CEP70: variants seen among roughly 807,000 people sequenced by gnomAD.
CEP70 encodes centrosomal protein 70.
In CEP70, 70 loss-of-function variants were observed where a neutral mutation model predicts 90.9. The observed-to-expected ratio is 0.77, with a 90% confidence interval of 0.64 to 0.94. The LOEUF is 0.94. Among genes scored for constraint, CEP70 ranks in the 40% least tolerant of loss-of-function variants. The pLI is 0.00. For synonymous variants in CEP70, 220 were observed against 228.3 expected (o/e 0.96, Z 0.33); for missense variants, 648 against 669.0 (o/e 0.97, Z 0.35).
At chr3:138,593,128 C>G (rs2042466216) in intron 1 of CEP70, 1 of 152,174 alleles carries the variant, frequency 6.6e-6, no homozygotes, top group South Asian at 2.1e-4. Flanking sequence ...AAAGGCGGGG[C>G]AGGGGAGGCC....
At chr3:138,518,980 T>G (rs963034401) in intron 11 of CEP70, among the ~76,000 whole-genome samples, 4 of 151,082 alleles carry the variant, frequency 2.6e-5, no homozygotes, top group Admixed American at 2.6e-4. Context: ...TGCAGAGAAG[T>G]CCTTAAAGGA....
At chr3:138,582,428 C>A (rs1011755806) in intron 2 of CEP70, among the ~76,000 whole-genome samples, 1 of 150,296 alleles carries the variant, frequency 6.7e-6, no homozygotes, top group Non-Finnish European at 1.5e-5. Context: ...GCCAAGATAG[C>A]GCCACTGAAC....
intron 8 of CEP70, among the ~76,000 whole-genome samples, chr3:138,531,067 C>A (rs188625224): frequency 6.6e-6 from 1 of 152,180 alleles, no homozygotes; most frequent in Admixed American, 6.5e-5. Flanking sequence ...AATATCTGAC[C>A]CAAGGATAAT....
chr3:138,548,763 A>C (rs2039404802), intron 6 of CEP70, among the ~76,000 whole-genome samples: 1 of 152,192 alleles, frequency 6.6e-6, no homozygotes, highest in African/African-American at 2.4e-5. Flanking sequence ...TCACATCATG[A>C]ACTTTTGCTC....
chr3:138,551,882 T>C (rs1013674745), intron 6 of CEP70, among the ~76,000 whole-genome samples: 4 of 152,042 alleles, frequency 2.6e-5, no homozygotes, highest in Non-Finnish European at 5.9e-5. Flanking sequence ...AGATATAGAA[T>C]TGCACAATGG....
intron 6 of CEP70, among the ~76,000 whole-genome samples, chr3:138,550,317 C>T (rs922480108): frequency 1.3e-5 from 2 of 152,176 alleles, no homozygotes; most frequent in Non-Finnish European, 2.9e-5. Context: ...AAAAATGATA[C>T]AAGAAATGAG....
intron 11 of CEP70, among the ~76,000 whole-genome samples, chr3:138,524,523 G>C (rs2037010220): frequency 6.6e-6 from 1 of 151,752 alleles, no homozygotes. Context: ...TCTGACAAAG[G>C]GCTAATATCC....
chr3:138,515,467 C>CAA (rs145902706), intron 11 of CEP70, among the ~76,000 whole-genome samples: 2,976 of 65,244 alleles, frequency 0.046, 171 homozygotes, highest in African/African-American at 0.095. Context: ...CATAGAAATG[C>CAA]AAAAAAAAAA....
chr3:138,529,414 T>A lies in CEP70; in HGVS notation c.741A>T (p.Arg247Ser), dbSNP rs151252525. The change falls in exon 9 of 18, where the codon AGA (arginine) becomes AGT (serine). Residue 247 changes from arginine (R) to serine (S), a missense_variant. Arg to Ser is a moderately radical substitution (Grantham distance 110, BLOSUM62 -1). Coordinates refer to ENST00000264982, the MANE Select transcript of CEP70 (RefSeq NM_024491.4). Reference protein sequence around the residue: ...ESQSEEENDYRNLDASPTYKG... With the variant: ...ESQSEEENDYSNLDASPTYKG... ...TATAAGTTGGTGAGGCATCCAGATTTCTGTAGTCGTTTTCTTCTTCTGACT... is the reference window on the plus strand; with the variant it reads ...TATAAGTTGGTGAGGCATCCAGATTACTGTAGTCGTTTTCTTCTTCTGACT... The A allele has an allele frequency of 1.3e-4, 204 of 1,612,364 alleles. No homozygotes were observed. Among genetic ancestry groups the A allele is most frequent in the Non-Finnish European group, 1.6e-4 (187 of 1,179,132 alleles).
At chr3:138,563,589 G>C (rs1350584837) in intron 6 of CEP70, among the ~76,000 whole-genome samples, 1 of 152,174 alleles carries the variant, frequency 6.6e-6, no homozygotes, top group Non-Finnish European at 1.5e-5. Context: ...ACCTGCCTTT[G>C]AATGACTACT....
At chr3:138,506,288 G>A (rs1198478302) in intron 12 of CEP70, among the ~76,000 whole-genome samples, 1 of 152,094 alleles carries the variant, frequency 6.6e-6, no homozygotes, top group South Asian at 2.1e-4. Context: ...ATTCAAGGCT[G>A]CAGTGAGCTA....
Position 138,505,455 on chromosome 3 carries a change from C to T in CEP70, c.1061G>A (p.Ser354Asn). ...IDQRYFQVLC[S>N]INSIIHNPRA... ...TGGATTGTGGATAATTGAATTGATG[C>T]TACACAGCACCTTTAAAAAAACATA... is the stretch of plus-strand genomic sequence containing the variant. Residue 354 changes from serine (S) to asparagine (N), a missense_variant, in exon 13 of 18, where the codon AGC becomes AAC. Ser to Asn is a conservative substitution (Grantham distance 46). Transcript: ENST00000264982. 1 of 1,582,426 alleles carries T rather than the reference C, an allele frequency of 6.3e-7. No individual in the cohort carries two copies. Among genetic ancestry groups the T allele is most frequent in the Non-Finnish European group, 8.6e-7 (1 of 1,168,186 alleles).
intron 11 of CEP70, among the ~76,000 whole-genome samples, chr3:138,518,390 T>A (rs2036266382): frequency 6.6e-6 from 1 of 152,196 alleles, no homozygotes. Flanking sequence ...CCTCCTCAAG[T>A]GGGTCCCTGA....
In CEP70 at chr3:138,495,069, A is replaced by G; in HGVS notation, c.1740T>C (p.Asp580=). ...TNDLLEILEI[D]DLDAIVPAVK... is the part of the protein sequence containing the mutation. Reference sequence around the variant, plus strand: ...CTGCAGGTACAATGGCATCCAAGTCATCAATTTCTGTAATACAAAAACAGT... The same window carrying G: ...CTGCAGGTACAATGGCATCCAAGTCGTCAATTTCTGTAATACAAAAACAGT... Residue 580 remains aspartate, a synonymous_variant, in exon 18 of 18, where the codon GAT becomes GAC. Transcript: ENST00000264982. 6.4e-7 allele frequency: 1 copy of G among 1,552,224 alleles called. No individual in the cohort carries two copies. The highest frequency in any genetic ancestry group is 8.9e-7 in the Non-Finnish European group (1 of 1,126,484).
At chr3:138,560,583 G>T (rs2040336110) in intron 6 of CEP70, among the ~76,000 whole-genome samples, 1 of 151,984 alleles carries the variant, frequency 6.6e-6, no homozygotes. Flanking sequence ...GGGTAGGCAG[G>T]TCCCACCCCC....
chr3:138,525,582 T>C lies in CEP70; in HGVS notation c.870-18A>G, dbSNP rs774005804. On this transcript the variant is annotated intron_variant, in intron 10 of 17. Transcript: ENST00000264982. ...GCGTAGGCCTGTGGAAAATAAATAA[T>C]GATAAATTAATTCAATTTACTGAAT... 2.5e-6 allele frequency: 3 copies of C among 1,183,112 alleles called. No homozygotes were observed. The highest frequency in any genetic ancestry group is 5.6e-5 in the Admixed American group (2 of 35,806). The allele number at this position is 1,183,112 out of a possible 1,614,324, so 73.3% of individuals were successfully genotyped here.
At chr3:138,511,474 T>A (rs536391337) in intron 11 of CEP70, among the ~76,000 whole-genome samples, 1 of 152,246 alleles carries the variant, frequency 6.6e-6, no homozygotes, top group Non-Finnish European at 1.5e-5. Flanking sequence ...TAAATGTTAC[T>A]TCCTTTCACT....
chr3:138,592,074 G>C (rs748022417), intron 1 of CEP70, 118 bp from the exon 2 acceptor site: 25 of 513,508 alleles, frequency 4.9e-5, no homozygotes, highest in South Asian at 1.8e-4. Flanking sequence ...AGATAAAGCA[G>C]GCACAACTGA....
chr3:138,521,055 C>T (rs2036571990), intron 11 of CEP70, among the ~76,000 whole-genome samples: 1 of 152,170 alleles, frequency 6.6e-6, no homozygotes, highest in Non-Finnish European at 1.5e-5. Flanking sequence ...AGTGATCTGC[C>T]TGCCTCGGCC....
Sources: allele counts gnomAD v4.1 joint callset (sites outside exome capture counted in the v4.1 genomes callset), GRCh38; gene constraint gnomAD v4.1.1; transcripts MANE v1.5; gene names NCBI Gene and HGNC (gene_info 2026-07-23, HGNC 2026-07-21).